The following MKLN1 variants were observed in gnomAD, a reference collection of about 807,000 sequenced individuals.
The protein encoded by MKLN1 is muskelin.
In MKLN1, 18 loss-of-function variants were observed where a neutral mutation model predicts 99.0. The ratio of observed to expected loss-of-function variants is 0.18; its 90% confidence interval spans 0.13 to 0.27. The LOEUF (loss-of-function observed/expected upper bound fraction) is 0.27. Among genes scored for constraint, MKLN1 ranks in the 10% least tolerant of loss-of-function variants. MKLN1 has a pLI of 1.00. For missense variants in MKLN1, 621 were observed against 875.9 expected (o/e 0.71, Z 3.67); for synonymous variants, 288 against 293.2 (o/e 0.98, Z 0.18).
chr7:131,487,481 G>T lies in MKLN1; in HGVS notation c.2087-126G>T. 6 of 1,017,740 alleles carry T rather than the reference G, an allele frequency of 5.9e-6. No homozygotes were observed. The highest frequency in any genetic ancestry group is 8.6e-6 in the Non-Finnish European group (6 of 701,336). The allele number at this position is 1,017,740 out of a possible 1,614,324, so 63.0% of individuals were successfully genotyped here. On this transcript the variant is annotated intron_variant, in intron 17 of 17. Coordinates refer to ENST00000352689, the MANE Select transcript of MKLN1 (RefSeq NM_013255.5). The surrounding 1 kb of genome is among the most constrained non-coding windows in gnomAD (Gnocchi z 4.7). ...TAGTAGAACTGGGGTCAGATCAGTA[G>T]TGTCTGCCTGGTTTTGAAGCCTGAT...
At chr7:131,248,284 GTA>G (rs974781492) in intron 3 of MKLN1, among the ~76,000 whole-genome samples, 11 of 150,422 alleles carry the variant, frequency 7.3e-5, no homozygotes, top group Non-Finnish European at 1.5e-4. Flanking sequence ...CCTCTAATTG[GTA>G]TTTGTTTTTT....
chr7:131,234,694 G>A (rs945540343), intron 3 of MKLN1, among the ~76,000 whole-genome samples: 4 of 152,154 alleles, frequency 2.6e-5, no homozygotes, highest in African/African-American at 9.7e-5. Context: ...CTCAATTCCA[G>A]CTCTTCTGTA....
At chr7:131,325,077 A>C (rs1798857062), upstream of MKLN1, among the ~76,000 whole-genome samples, 1 of 152,046 alleles carries the variant, frequency 6.6e-6, no homozygotes, top group Non-Finnish European at 1.5e-5. Context: ...GAAGTCTCTA[A>C]TTAAAGTTCT....
At chr7:131,218,947 T>TATGAGA (rs1797023673) in intron 3 of MKLN1, among the ~76,000 whole-genome samples, 1 of 152,216 alleles carries the variant, frequency 6.6e-6, no homozygotes, top group Non-Finnish European at 1.5e-5. Flanking sequence ...TCTTTCAGAC[T>TATGAGA]CATTTATGAG....
intron 3 of MKLN1, among the ~76,000 whole-genome samples, chr7:131,250,679 G>C (rs182960848): frequency 7.7e-4 from 118 of 152,276 alleles, no homozygotes; most frequent in Non-Finnish European, 4.9e-4. Context: ...GTTAATTGGG[G>C]GTTGTATCGT....
At chr7:131,263,664 C>T (rs1200353677) in intron 3 of MKLN1, among the ~76,000 whole-genome samples, 2 of 151,854 alleles carry the variant, frequency 1.3e-5, no homozygotes, top group African/African-American at 2.4e-5. Flanking sequence ...CTCTGCCTCC[C>T]GGGTTCAAGC....
At chr7:131,298,604 G>C (rs940795817) in intron 3 of MKLN1, among the ~76,000 whole-genome samples, 3 of 152,146 alleles carry the variant, frequency 2.0e-5, no homozygotes, top group South Asian at 2.1e-4. Flanking sequence ...TTTTCTCACA[G>C]ATCTTGTTTG....
chr7:131,132,947 A>AAAAGAAAGAAAGAAAGAAAGAAAGAAAG (rs1224385182), intron 1 of MKLN1, among the ~76,000 whole-genome samples: 2 of 56,604 alleles, frequency 3.5e-5, no homozygotes, highest in African/African-American at 1.6e-4. Context: ...AAAAAAAAAA[A>AAAAGAAAGAAAGAAAGAAAGAAAGAAAG]AAAGAAAGAA....
rs1481652200 is a variant in MKLN1 at position 131,488,496 on chromosome 7, A to G, written c.*768A>G. The G allele has an allele frequency of 1.3e-5, 2 of 152,570 alleles. No individual in the cohort carries two copies. The highest frequency in any genetic ancestry group is 2.9e-5 in the Non-Finnish European group (2 of 67,998). The allele number at this position is 152,570 out of a possible 1,614,324, so 9.5% of individuals were successfully genotyped here. A position where few individuals can be genotyped will look rare whatever the true frequency, so the allele number is the denominator to read the frequency against. On this transcript the variant is annotated 3_prime_UTR_variant, in exon 18 of 18. Transcript: ENST00000352689. ...GAGTCACAGAAACCTTAAACTGAGGAGACAATAGTTCAGAACCTTTTTAAG... is the reference window on the plus strand; with the variant it reads ...GAGTCACAGAAACCTTAAACTGAGGGGACAATAGTTCAGAACCTTTTTAAG...
At chr7:131,355,991 C>G (rs1249153476) in intron 1 of MKLN1, among the ~76,000 whole-genome samples, 1 of 150,708 alleles carries the variant, frequency 6.6e-6, no homozygotes, top group African/African-American at 2.4e-5. Context: ...TCCTTTAGAA[C>G]AGTTTTAGAT....
chr7:131,363,086 T>A (rs1477654206), intron 1 of MKLN1, among the ~76,000 whole-genome samples: 1 of 152,056 alleles, frequency 6.6e-6, no homozygotes, highest in Non-Finnish European at 1.5e-5. Context: ...GGATTTTTAT[T>A]TTATTTTCTA....
chr7:131,251,904 C>T (rs1171109701), intron 3 of MKLN1, among the ~76,000 whole-genome samples: 3 of 152,072 alleles, frequency 2.0e-5, no homozygotes, highest in Admixed American at 2.0e-4. Context: ...GTCTTGAACT[C>T]CTGGGCTCAA....
intron 8 of MKLN1, among the ~76,000 whole-genome samples, chr7:131,426,018 C>T (rs1795347230): frequency 6.6e-6 from 1 of 152,178 alleles, no homozygotes; most frequent in Non-Finnish European, 1.5e-5. Context: ...GGCTCAGTTT[C>T]CATCCGATTC....
intron 1 of MKLN1, among the ~76,000 whole-genome samples, chr7:131,333,840 A>G (rs1470345866): frequency 6.6e-6 from 1 of 152,186 alleles, no homozygotes; most frequent in Non-Finnish European, 1.5e-5. Context: ...CTGGAAAAAA[A>G]TTTTGAACTC....
rs780333359 is a variant in MKLN1, at chr7:131,398,521, C to T, written c.511-720C>T. ...CCATCCTGACCAACATGGTGAAACC[C>T]CGACTCTACTAAAAATACAAAAATT... On this transcript the variant is annotated intron_variant, in intron 5 of 17. Coordinates refer to ENST00000352689, the MANE Select transcript of MKLN1 (RefSeq NM_013255.5). 4.6e-4 allele frequency among the ~76,000 whole-genome samples: 70 copies of T among 151,944 alleles called. 1 individual carries two copies. The highest frequency in any genetic ancestry group is 5.2e-4 in the Admixed American group (8 of 15,256).
At chr7:131,371,326 C>T (rs920488330) in intron 1 of MKLN1, among the ~76,000 whole-genome samples, 21 of 152,042 alleles carry the variant, frequency 1.4e-4, no homozygotes, top group African/African-American at 4.6e-4. Context: ...TGGCATTCTT[C>T]GGTTTCTTTT....
chr7:131,114,603 C>T (rs6956908), intron 1 of MKLN1, among the ~76,000 whole-genome samples: 3,810 of 152,118 alleles, frequency 0.025, 154 homozygotes, highest in African/African-American at 0.085. Context: ...TTCAAAGGAG[C>T]CAGGGGAGGA....
chr7:131,466,530 C>T (rs1796665828), intron 15 of MKLN1, 115 bp downstream of exon 15: 2 of 648,818 alleles, frequency 3.1e-6, no homozygotes, highest in Non-Finnish European at 4.5e-6. Flanking sequence ...TTGTAAATGC[C>T]CTGTTATTCC....
rs925460652 is a variant in MKLN1, at chr7:131,174,133, C to T, written c.-296-28724C>T. Among the ~76,000 whole-genome samples, 4 of 152,104 alleles carry T rather than the reference C, an allele frequency of 2.6e-5. No individual in the cohort carries two copies. The East Asian group carries it at 5.8e-4, about 22-fold the overall frequency. On this transcript the variant is annotated intron_variant, in intron 2 of 7. Coordinates refer to the MKLN1 transcript ENST00000416992. ...GACTACAGGTGCCCGCCACCGCACC[C>T]GGCTAATTTTTTGTATTTTTAGTAG...
Sources: gnomAD v4.1 joint callset for allele counts (sites outside exome capture counted in the v4.1 genomes callset) on GRCh38, gnomAD v4.1.1 for gene constraint, Gnocchi (gnomAD v3.1) non-coding constraint, MANE v1.5 for transcripts, NCBI Gene and HGNC (gene_info 2026-07-23, HGNC 2026-07-21) for gene names.